The following CEP63 variants were observed in gnomAD, a reference collection of about 807,000 sequenced individuals.
The protein encoded by CEP63 is centrosomal protein 63.
CEP63 carries 84 observed loss-of-function variants against 89.1 expected under a neutral mutation model. The observed-to-expected ratio is 0.94, with a 90% CI of 0.79 to 1.13. CEP63 has a LOEUF of 1.13. Among genes scored for constraint, CEP63 ranks in the 50% most tolerant of loss-of-function variants. The pLI, the probability that CEP63 is intolerant of heterozygous loss-of-function variation, is 0.00. For missense variants in CEP63, 838 were observed against 813.3 expected (o/e 1.03, Z -0.37); for synonymous variants, 267 against 272.5 (o/e 0.98, Z 0.20).
rs35539857 is a variant in CEP63 at position 134,532,839 on chromosome 3, G to A, written c.380G>A (p.Gly127Glu). 1 of 1,613,546 alleles carries A rather than the reference G, an allele frequency of 6.2e-7. No homozygotes were observed. Among genetic ancestry groups the A allele is most frequent in the East Asian group, 2.2e-5 (1 of 44,836 alleles). ...AAAAAGCAAATGAGGGAATTCAGAGGAAATACCAAAAATCACAGGGAAGAT... is the reference window on the plus strand; with the variant it reads ...AAAAAGCAAATGAGGGAATTCAGAGAAAATACCAAAAATCACAGGGAAGAT... The part of the protein sequence containing the change: ...LQKKQMREFR[G>E]NTKNHREDRS... The change falls in exon 5 of 15, where the codon GGA becomes GAA. Residue 127 changes from glycine (G) to glutamate (E), a missense_variant. By Grantham distance (98) the Gly-to-Glu change is moderately conservative (BLOSUM62 -2). Coordinates refer to ENST00000675561, the MANE Select transcript of CEP63 (RefSeq NM_001353108.3).
chr3:134,515,714 C>T (rs1234122975), intron 3 of CEP63, among the ~76,000 whole-genome samples: 1 of 152,186 alleles, frequency 6.6e-6, no homozygotes, highest in Non-Finnish European at 1.5e-5. Flanking sequence ...TCTACTATAA[C>T]AGGAGTTTCC....
chr3:134,739,257 T>G, the CEP63 span, among the ~76,000 whole-genome samples: 1 of 152,226 alleles, frequency 6.6e-6, no homozygotes, highest in Non-Finnish European at 1.5e-5. Context: ...AATTGATCAA[T>G]GTATAAATAA....
chr3:134,537,349 A>G, intron 6 of CEP63, 81 bp downstream of exon 6: 1 of 891,464 alleles, frequency 1.1e-6, no homozygotes, highest in Non-Finnish European at 1.9e-6. Context: ...GTGTCCTAGT[A>G]CCATTTAGCC....
the CEP63 span, chr3:134,608,563 A>G: frequency 6.2e-7 from 1 of 1,611,196 alleles, no homozygotes; most frequent in Non-Finnish European, 8.5e-7. Context: ...CATGCCTTGA[A>G]AGCGCAGTCT....
the CEP63 span, among the ~76,000 whole-genome samples, chr3:134,703,503 T>C: frequency 2.6e-5 from 4 of 152,054 alleles, no homozygotes; most frequent in African/African-American, 9.7e-5. Flanking sequence ...GAGGCCATTA[T>C]CCTTAGTAAA....
the CEP63 span, among the ~76,000 whole-genome samples, chr3:134,770,474 C>T: frequency 6.6e-6 from 1 of 152,146 alleles, no homozygotes; most frequent in African/African-American, 2.4e-5. Flanking sequence ...GGAACAGTTA[C>T]AATTCTATTT....
At chr3:134,669,128 C>G in the CEP63 span, among the ~76,000 whole-genome samples, 2 of 152,022 alleles carry the variant, frequency 1.3e-5, no homozygotes, top group African/African-American at 4.8e-5. Flanking sequence ...TGGGCTCAAA[C>G]AATCATCTCA....
At chr3:134,763,500 G>C in the CEP63 span, among the ~76,000 whole-genome samples, 1 of 152,090 alleles carries the variant, frequency 6.6e-6, no homozygotes. Context: ...CATTTATTAG[G>C]TGCCTATAGG....
intron 3 of CEP63, among the ~76,000 whole-genome samples, chr3:134,521,772 A>G (rs929786531): frequency 6.6e-6 from 1 of 152,196 alleles, no homozygotes; most frequent in Non-Finnish European, 1.5e-5. Context: ...CAATAGTCCA[A>G]TTAACTAAAT....
At chr3:134,671,787 A>G in the CEP63 span, among the ~76,000 whole-genome samples, 1 of 152,164 alleles carries the variant, frequency 6.6e-6, no homozygotes, top group East Asian at 1.9e-4. Context: ...GAAAAATCAG[A>G]AAAAGGGTTT....
the CEP63 span, among the ~76,000 whole-genome samples, chr3:134,752,568 C>T: frequency 6.6e-6 from 1 of 152,082 alleles, no homozygotes; most frequent in African/African-American, 2.4e-5. Flanking sequence ...TGATTACATA[C>T]ATAGACAGCA....
At chr3:134,615,765 C>T in the CEP63 span, among the ~76,000 whole-genome samples, 1 of 152,200 alleles carries the variant, frequency 6.6e-6, no homozygotes, top group African/African-American at 2.4e-5. Context: ...TCCCAGAAGG[C>T]TTAGATGGCC....
chr3:134,698,869 G>A, the CEP63 span, among the ~76,000 whole-genome samples: 1 of 152,220 alleles, frequency 6.6e-6, no homozygotes, highest in Admixed American at 6.5e-5. Flanking sequence ...TCCAGGCACT[G>A]TATGAGGTTC....
In CEP63 at chr3:134,547,338, A is replaced by T. The variant is rs1577283226; in HGVS notation, c.933A>T (p.Pro311=). The change falls in exon 9 of 15, where the codon CCA becomes CCT. Residue 311 remains proline (P), a synonymous_variant. Transcript: ENST00000675561. The part of the protein sequence containing the change: ...NTQHAVEAIR[P]REESLAEKKY... ...ATCATCCTATGTCTTTCCATAGGCC[A>T]CGGGAAGAATCTCTGGCAGAAAAGA... The T allele has an allele frequency of 1.9e-6, 3 of 1,613,560 alleles. No individual in the cohort carries two copies. Among genetic ancestry groups the T allele is most frequent in the East Asian group, 2.2e-5 (1 of 44,860 alleles).
the CEP63 span, among the ~76,000 whole-genome samples, chr3:134,771,985 C>T: frequency 1.7e-3 from 254 of 152,276 alleles, no homozygotes; most frequent in African/African-American, 5.7e-3. Flanking sequence ...TCTGTATCCC[C>T]GGCTTGGGGT....
intron 1 of CEP63, among the ~76,000 whole-genome samples, chr3:134,490,596 C>CT (rs1553737529): frequency 1.3e-5 from 2 of 151,614 alleles, no homozygotes; most frequent in Non-Finnish European, 2.9e-5. Context: ...TTCAGTACTG[C>CT]TTTTTTCCCC....
chr3:134,620,938 T>G, the CEP63 span: 1 of 816,672 alleles, frequency 1.2e-6, no homozygotes, highest in Admixed American at 2.1e-5. Flanking sequence ...CTACAGCCAG[T>G]GCTGCTCTTC....
the CEP63 span, among the ~76,000 whole-genome samples, chr3:134,622,818 A>G: frequency 5.3e-5 from 8 of 152,278 alleles, no homozygotes; most frequent in South Asian, 8.3e-4. Flanking sequence ...AGGTCCTGCA[A>G]TGGTGCCCAC....
At chr3:134,751,183 A>G in the CEP63 span, among the ~76,000 whole-genome samples, 1 of 152,204 alleles carries the variant, frequency 6.6e-6, no homozygotes, top group East Asian at 1.9e-4. Flanking sequence ...CACTTAGTAT[A>G]ATTATTTAAA....
Sources: gnomAD v4.1 joint callset for allele counts (sites outside exome capture counted in the v4.1 genomes callset) on GRCh38, gnomAD v4.1.1 for gene constraint, MANE v1.5 for transcripts, NCBI Gene and HGNC (gene_info 2026-07-23, HGNC 2026-07-21) for gene names.